The following USH2A variants were observed in gnomAD, a reference collection of about 807,000 sequenced individuals.
USH2A encodes Usher syndrome 2A (autosomal recessive, mild).
USH2A carries 443 observed loss-of-function variants against 538.9 expected under a neutral mutation model. That is an observed-to-expected ratio of 0.82 (90% CI 0.76 to 0.89). The LOEUF (loss-of-function observed/expected upper bound fraction) is 0.89. Among genes scored for constraint, USH2A ranks in the 40% least tolerant of loss-of-function variants. The pLI is 0.00. For synonymous variants in USH2A, 2,413 were observed against 2,273.5 expected, an observed-to-expected ratio of 1.06 and a Z score of -1.75; for missense variants, 6,633 against 6,324.8, an observed-to-expected ratio of 1.05 and a Z score of -1.65.
intron 16 of USH2A, among the ~76,000 whole-genome samples, chr1:216,203,210 TAC>T (rs1046535321): frequency 6.6e-6 from 1 of 151,886 alleles, no homozygotes; most frequent in South Asian, 2.1e-4. Context: ...TATATATATA[TAC>T]ACACACATAC....
chr1:215,815,498 G>A (rs537682824), intron 48 of USH2A, among the ~76,000 whole-genome samples: 3 of 151,270 alleles, frequency 2.0e-5, no homozygotes, highest in East Asian at 2.0e-4. Context: ...ACTGAATTTA[G>A]GAATGTTACA....
At chr1:216,347,948 C>T (rs72733356) in intron 4 of USH2A, among the ~76,000 whole-genome samples, 1 of 152,204 alleles carries the variant, frequency 6.6e-6, no homozygotes, top group Non-Finnish European at 1.5e-5. Flanking sequence ...GAATATCAAG[C>T]TGAACAAGAG....
chr1:216,361,206 A>G (rs1042864537), intron 4 of USH2A, among the ~76,000 whole-genome samples: 1 of 152,154 alleles, frequency 6.6e-6, no homozygotes, highest in African/African-American at 2.4e-5. Context: ...TTACACATTC[A>G]GGTGGGACAA....
intron 30 of USH2A, among the ~76,000 whole-genome samples, chr1:216,056,219 CTT>C (rs1057057271): frequency 6.6e-6 from 1 of 152,190 alleles, no homozygotes; most frequent in African/African-American, 2.4e-5. Context: ...TGTGTTAACT[CTT>C]TACCTTACAT....
chr1:216,083,756 G>A (rs1016170475), intron 25 of USH2A, among the ~76,000 whole-genome samples, 170 bp from the exon 26 acceptor site: 4 of 152,074 alleles, frequency 2.6e-5, no homozygotes, highest in Non-Finnish European at 5.9e-5. Flanking sequence ...GTGACAGAAA[G>A]ACCTTGATAT....
At chr1:215,789,328 T>C (rs1230268617) in intron 51 of USH2A, among the ~76,000 whole-genome samples, 1 of 152,204 alleles carries the variant, frequency 6.6e-6, no homozygotes, top group Non-Finnish European at 1.5e-5. Flanking sequence ...AGTTGCCTCA[T>C]TGAACAAGCG....
intron 30 of USH2A, among the ~76,000 whole-genome samples, chr1:216,062,827 A>G (rs201816327): frequency 6.6e-6 from 1 of 152,194 alleles, no homozygotes; most frequent in East Asian, 1.9e-4. Context: ...TAATGATCAT[A>G]AACACAATGG....
intron 21 of USH2A, among the ~76,000 whole-genome samples, chr1:216,110,128 C>T (rs1014637059): frequency 3.9e-5 from 6 of 152,046 alleles, no homozygotes; most frequent in African/African-American, 1.4e-4. Context: ...AGATATTAAT[C>T]CACGGGTTTA....
chr1:216,058,007 C>G (rs569286529), intron 30 of USH2A, among the ~76,000 whole-genome samples: 14 of 152,298 alleles, frequency 9.2e-5, no homozygotes, highest in African/African-American at 3.4e-4. Context: ...GGTGGAGGAA[C>G]AACTTCTAAA....
chr1:215,864,567 G>C lies in USH2A; in HGVS notation c.8845+2440C>G, dbSNP rs181964140. 5.3e-3 allele frequency among the ~76,000 whole-genome samples: 801 copies of C among 152,120 alleles called. 17 individuals carry two copies. Among genetic ancestry groups the C allele is most frequent in the Non-Finnish European group, 4.9e-3 (331 of 67,980 alleles). On this transcript the variant is annotated intron_variant, in intron 44 of 71. Coordinates refer to ENST00000307340, the MANE Select transcript of USH2A (RefSeq NM_206933.4). Reference sequence around the variant, plus strand: ...CTGATAGTTTCCTTCCAGAAATGTGGGTATTGTTTCACCCCATCATTTGAC... The same window carrying C: ...CTGATAGTTTCCTTCCAGAAATGTGCGTATTGTTTCACCCCATCATTTGAC...
At chr1:216,006,641 T>C (rs529194446) in intron 32 of USH2A, among the ~76,000 whole-genome samples, 2 of 152,348 alleles carry the variant, frequency 1.3e-5, no homozygotes, top group South Asian at 4.1e-4. Context: ...CATAATTATG[T>C]TGTTCCTTTG....
chr1:215,743,149 C>T lies in USH2A; in HGVS notation c.11548+28G>A, dbSNP rs769401045. On this transcript the variant is annotated intron_variant, in intron 59 of 71. Coordinates refer to ENST00000307340, the MANE Select transcript of USH2A (RefSeq NM_206933.4). ...TAATGAAATACTTTTTCATAAAAGC[C>T]CAGGCCAAGTGTCTGAAAGACTTTC... The T allele has an allele frequency of 3.7e-6, 6 of 1,604,058 alleles. No homozygotes were observed. The African/African-American group carries it at 6.7e-5, about 18-fold the overall frequency.
At chr1:215,651,276 C>G (rs868149785) in intron 64 of USH2A, among the ~76,000 whole-genome samples, 1 of 152,112 alleles carries the variant, frequency 6.6e-6, no homozygotes. Context: ...TATCAAGAAC[C>G]ATTTGTATAA....
intron 15 of USH2A, among the ~76,000 whole-genome samples, chr1:216,214,427 C>A (rs184753408): frequency 2.0e-5 from 3 of 151,910 alleles, no homozygotes; most frequent in Non-Finnish European, 4.4e-5. Flanking sequence ...AAGCTAGATA[C>A]AAAAGCCTAT....
At chr1:215,651,981 A>AT (rs1184513419) in intron 64 of USH2A, among the ~76,000 whole-genome samples, 1 of 152,212 alleles carries the variant, frequency 6.6e-6, no homozygotes, top group Non-Finnish European at 1.5e-5. Context: ...CAGGAGCCTC[A>AT]TTTTTTAAAA....
intron 30 of USH2A, among the ~76,000 whole-genome samples, chr1:216,050,099 G>A (rs2030694443): frequency 6.6e-6 from 1 of 152,132 alleles, no homozygotes; most frequent in African/African-American, 2.4e-5. Context: ...CATGACCTAC[G>A]TTCTGAGTTT....
At chr1:216,108,279 T>C (rs2032785618) in intron 21 of USH2A, among the ~76,000 whole-genome samples, 1 of 151,944 alleles carries the variant, frequency 6.6e-6, no homozygotes, top group African/African-American at 2.4e-5. Context: ...TCTAAAGATA[T>C]TGTATTATCT....
chr1:216,273,311 G>A (rs12134474), intron 11 of USH2A, among the ~76,000 whole-genome samples: 91,465 of 151,848 alleles, frequency 0.6, 29,527 homozygotes, highest in East Asian at 0.74. Context: ...CTGAAGAGCC[G>A]AGGGCAATCT....
Position 216,365,030 on chromosome 1 carries a change from G to T in USH2A, c.707C>A (p.Pro236His). Residue 236 changes from proline (P) to histidine (H), a missense_variant, in exon 4 of 72, where the codon CCT becomes CAT. By Grantham distance (77) the Pro-to-His change is moderately conservative (BLOSUM62 -2). Transcript: ENST00000307340. ...ACCACTTAGAGTTCTTGCATTGAAA[G>T]GTGTATGATCCTTCTCCACGCCATT... ...FINGVEKDHT[P>H]FNARTLSGSI... The T allele has an allele frequency of 6.2e-7, 1 of 1,613,652 alleles. No homozygotes were observed. Among genetic ancestry groups the T allele is most frequent in the East Asian group, 2.2e-5 (1 of 44,800 alleles).
Sources: gnomAD v4.1 joint callset for allele counts (sites outside exome capture counted in the v4.1 genomes callset) on GRCh38, gnomAD v4.1.1 for gene constraint, MANE v1.5 for transcripts, NCBI Gene and HGNC (gene_info 2026-07-23, HGNC 2026-07-21) for gene names.